The following SUPT3H variants were observed in gnomAD, a reference collection of about 807,000 sequenced individuals.
The protein encoded by SUPT3H is transcription initiation protein SPT3 homolog.
A neutral mutation model predicts 44.3 loss-of-function variants in SUPT3H; 44 were observed. The observed-to-expected ratio is 0.99, with a 90% CI of 0.78 to 1.28. The LOEUF (loss-of-function observed/expected upper bound fraction) is 1.28, where lower values mean the gene tolerates loss of function less well. SUPT3H is among the 50% of genes most tolerant of loss of function. SUPT3H has a pLI of 0.00. For synonymous variants in SUPT3H, 124 were observed against 125.6 expected (o/e 0.99, Z 0.09); for missense variants, 380 against 387.1 (o/e 0.98, Z 0.15).
intron 10 of SUPT3H, among the ~76,000 whole-genome samples, chr6:44,855,469 C>T (rs1177552957): frequency 6.6e-6 from 1 of 152,108 alleles, no homozygotes; most frequent in African/African-American, 2.4e-5. Flanking sequence ...CATCTTTATT[C>T]ATAGAATGGT....
At chr6:45,314,446 T>G (rs190491738) in intron 2 of SUPT3H, among the ~76,000 whole-genome samples, 1 of 152,276 alleles carries the variant, frequency 6.6e-6, no homozygotes, top group Non-Finnish European at 1.5e-5. Context: ...TCAGTAAAGT[T>G]TCCGGATACA....
intron 5 of SUPT3H, among the ~76,000 whole-genome samples, chr6:45,007,106 C>T (rs540433286): frequency 3.9e-5 from 6 of 152,180 alleles, no homozygotes; most frequent in African/African-American, 1.4e-4. Context: ...TCTCATGAAT[C>T]GATAAATATG....
chr6:45,042,690 G>A (rs182831640), intron 3 of SUPT3H, among the ~76,000 whole-genome samples: 1 of 152,052 alleles, frequency 6.6e-6, no homozygotes, highest in Non-Finnish European at 1.5e-5. Context: ...TCAGTGTGGC[G>A]ATTCCTCAGG....
intron 6 of SUPT3H, among the ~76,000 whole-genome samples, chr6:44,964,644 T>C (rs1487459473): frequency 6.6e-6 from 1 of 152,186 alleles, no homozygotes; most frequent in Non-Finnish European, 1.5e-5. Context: ...TATTCTCTTT[T>C]CTTCATTAAG....
chr6:45,036,781 TC>T (rs1403367421), intron 3 of SUPT3H, among the ~76,000 whole-genome samples: 1 of 152,120 alleles, frequency 6.6e-6, no homozygotes, highest in East Asian at 1.9e-4. Flanking sequence ...GAGGATGTGT[TC>T]CAGCAAAATA....
chr6:45,282,031 A>T (rs187283819), intron 2 of SUPT3H, among the ~76,000 whole-genome samples: 1 of 152,336 alleles, frequency 6.6e-6, no homozygotes, highest in African/African-American at 2.4e-5. Context: ...GAGGGTCCTG[A>T]CTGTTAGAAG....
At chr6:44,912,576 C>T (rs186777228) in intron 10 of SUPT3H, among the ~76,000 whole-genome samples, 1 of 152,270 alleles carries the variant, frequency 6.6e-6, no homozygotes, top group African/African-American at 2.4e-5. Context: ...ACTGTGGGAC[C>T]TGGGGCAGGA....
At chr6:45,040,742 CAT>C (rs906999977) in intron 3 of SUPT3H, among the ~76,000 whole-genome samples, 2 of 152,166 alleles carry the variant, frequency 1.3e-5, no homozygotes, top group Non-Finnish European at 2.9e-5. Flanking sequence ...ACAACTTTAA[CAT>C]GTGTAATTAA....
intron 10 of SUPT3H, among the ~76,000 whole-genome samples, chr6:44,904,556 G>A (rs900123151): frequency 6.6e-6 from 1 of 152,188 alleles, no homozygotes; most frequent in Non-Finnish European, 1.5e-5. Context: ...CATGCTCATG[G>A]ATAGGAAGAA....
intron 6 of SUPT3H, among the ~76,000 whole-genome samples, chr6:44,994,574 G>C (rs1781027224): frequency 6.6e-6 from 1 of 152,112 alleles, no homozygotes; most frequent in South Asian, 2.1e-4. Context: ...CTTAGGGTAA[G>C]CCAGACAGGA....
intron 2 of SUPT3H, among the ~76,000 whole-genome samples, chr6:45,179,143 T>C (rs1225199637): frequency 5.9e-5 from 9 of 152,110 alleles, no homozygotes; most frequent in Non-Finnish European, 1.2e-4. Flanking sequence ...AATGGATAAA[T>C]TCCTCGACAC....
Position 45,219,324 on chromosome 6 carries a change from T to C in SUPT3H, c.102-113318A>G, listed in dbSNP as rs80311223. The stretch of plus-strand genomic sequence containing the variant: ...GTTCTTTGAAAACAGATGAATAAAA[T>C]AGATAAACCTACAGGAAGAATAACA... On this transcript the variant is annotated intron_variant, in intron 2 of 10. Transcript: ENST00000371459. Among the ~76,000 whole-genome samples the C allele has an allele frequency of 7.6e-3, 1,144 of 151,442 alleles. 21 individuals are homozygous for C. Among genetic ancestry groups the C allele is most frequent in the African/African-American group, 0.026 (1,085 of 41,246 alleles).
intron 10 of SUPT3H, among the ~76,000 whole-genome samples, chr6:44,838,856 G>C (rs1370851119): frequency 2.6e-5 from 4 of 152,154 alleles, no homozygotes; most frequent in African/African-American, 9.7e-5. Flanking sequence ...TTAAAGTTAG[G>C]TGTTCTTGAG....
intron 10 of SUPT3H, among the ~76,000 whole-genome samples, chr6:44,889,424 C>G (rs112222166): frequency 0.038 from 5,692 of 151,672 alleles, 352 homozygotes; most frequent in African/African-American, 0.13. Context: ...CAGAGATATA[C>G]ATCAATGGAA....
intron 2 of SUPT3H, among the ~76,000 whole-genome samples, chr6:45,245,387 T>C (rs1771158668): frequency 6.6e-6 from 1 of 152,072 alleles, no homozygotes; most frequent in African/African-American, 2.4e-5. Flanking sequence ...CCACTATCCA[T>C]AACCAGAAAT....
intron 2 of SUPT3H, among the ~76,000 whole-genome samples, chr6:45,271,566 G>A (rs1353527938): frequency 6.6e-6 from 1 of 152,198 alleles, no homozygotes; most frequent in Non-Finnish European, 1.5e-5. Flanking sequence ...AGGATGCATG[G>A]TAATGCCTGG....
intron 3 of SUPT3H, among the ~76,000 whole-genome samples, chr6:45,065,033 A>G (rs1379809551): frequency 2.0e-5 from 3 of 151,216 alleles, no homozygotes; most frequent in South Asian, 2.1e-4. Flanking sequence ...CACCACACCT[A>G]TTCCAAAATT....
chr6:44,883,554 G>C (rs1473286742), intron 10 of SUPT3H, among the ~76,000 whole-genome samples: 1 of 152,116 alleles, frequency 6.6e-6, no homozygotes. Context: ...AATCAAAAAA[G>C]AGCTCATATA....
intron 3 of SUPT3H, among the ~76,000 whole-genome samples, chr6:45,038,640 C>T (rs4711810): frequency 0.98 from 149,139 of 152,252 alleles, 73,056 homozygotes; most frequent in Middle Eastern, 1. Context: ...GGTTGTTATA[C>T]TGTTTGAAGT....
Sources: allele counts gnomAD v4.1 joint callset (sites outside exome capture counted in the v4.1 genomes callset), GRCh38; gene constraint gnomAD v4.1.1; transcripts MANE v1.5; gene names NCBI Gene and HGNC (gene_info 2026-07-23, HGNC 2026-07-21).